The following SNX30 variants were observed in gnomAD, a reference collection of about 807,000 sequenced individuals.
SNX30 encodes sorting nexin family member 30.
In SNX30, 24 loss-of-function variants were observed where a neutral mutation model predicts 46.4. That is an observed-to-expected ratio of 0.52 (90% confidence interval 0.37 to 0.73). SNX30 has a LOEUF of 0.73. SNX30 is among the 30% of genes least tolerant of loss of function. SNX30 has a pLI of 0.00. For synonymous variants in SNX30, 189 were observed against 211.5 expected, an observed-to-expected ratio of 0.89 and a Z score of 0.92; for missense variants, 533 against 555.7, an observed-to-expected ratio of 0.96 and a Z score of 0.41.
At chr9:112,830,015 A>G (rs1258441742) in intron 3 of SNX30, among the ~76,000 whole-genome samples, 1 of 152,200 alleles carries the variant, frequency 6.6e-6, no homozygotes, top group African/African-American at 2.4e-5. Flanking sequence ...TGGTAGTAAT[A>G]ATGAAGAAGG....
chr9:112,875,259 C>CA (rs1166662977), downstream of SNX30: 5 of 152,220 alleles, frequency 3.3e-5, no homozygotes, highest in African/African-American at 1.2e-4. Context: ...TAGTAGCCAT[C>CA]ATGACTGGCA....
At chr9:112,817,297 A>G (rs1840411128) in intron 2 of SNX30, among the ~76,000 whole-genome samples, 1 of 151,514 alleles carries the variant, frequency 6.6e-6, no homozygotes, top group East Asian at 1.9e-4. Flanking sequence ...GCTAAAAGAA[A>G]TTGTTAGAGT....
At chr9:112,758,059 T>C (rs1839378736) in intron 1 of SNX30, among the ~76,000 whole-genome samples, 1 of 152,192 alleles carries the variant, frequency 6.6e-6, no homozygotes, top group South Asian at 2.1e-4. Context: ...TTCTGCTGAT[T>C]GCCTCACCTT....
chr9:112,769,039 T>C (rs2645988), intron 1 of SNX30, among the ~76,000 whole-genome samples: 132,938 of 152,210 alleles, frequency 0.87, 58,380 homozygotes, highest in African/African-American at 0.96. Flanking sequence ...ACAAGCATGC[T>C]TTCAGCTTTT....
At chr9:112,883,903 G>A, downstream of SNX30, among the ~76,000 whole-genome samples, 1 of 152,072 alleles carries the variant, frequency 6.6e-6, no homozygotes, top group East Asian at 1.9e-4. Context: ...CACTATGTTG[G>A]CCAGGCTGGT....
At chr9:112,865,584 A>C (rs1841311707) in intron 8 of SNX30, among the ~76,000 whole-genome samples, 1 of 145,382 alleles carries the variant, frequency 6.9e-6, no homozygotes, top group South Asian at 2.2e-4. Flanking sequence ...GCACTACTGT[A>C]CTCCAACCTG....
At chr9:112,777,095 T>A (rs1469695733) in intron 1 of SNX30, among the ~76,000 whole-genome samples, 1 of 152,194 alleles carries the variant, frequency 6.6e-6, no homozygotes, top group African/African-American at 2.4e-5. Context: ...CCTTTTAGGT[T>A]TTGGTTCCTC....
rs1206936731 is a variant in SNX30 at position 112,751,101 on chromosome 9, G to C, written c.100G>C (p.Gly34Arg). ...CGGCTCCAGCAGCGAGGAGGCCGTG[G>C]GTGGTGACAGCACGCCCAGCCCGGA... ...LAGSSSEEAV[G>R]GDSTPSPDLL... Residue 34 changes from glycine to arginine, a missense_variant, in exon 1 of 9, where the codon GGT becomes CGT. Coordinates refer to ENST00000374232, the MANE Select transcript of SNX30 (RefSeq NM_001012994.2). The C allele has an allele frequency of 1.6e-5, 25 of 1,520,552 alleles. No individual in the cohort carries two copies. The highest frequency in any genetic ancestry group is 2.2e-5 in the Non-Finnish European group (25 of 1,142,434). 94.2% of individuals were successfully genotyped at this position (1,520,552 alleles called of 1,614,324 possible). A position where few individuals can be genotyped will look rare whatever the true frequency, so the allele number is the denominator to read the frequency against.
downstream of SNX30, among the ~76,000 whole-genome samples, chr9:112,882,966 G>A (rs753515569): frequency 4.6e-5 from 7 of 152,212 alleles, no homozygotes; most frequent in Non-Finnish European, 7.3e-5. Flanking sequence ...CCAGAAGAAT[G>A]AGGTGTTTTG....
chr9:112,847,247 C>G (rs976473777), intron 6 of SNX30, among the ~76,000 whole-genome samples: 3 of 150,874 alleles, frequency 2.0e-5, no homozygotes, highest in Non-Finnish European at 3.0e-5. Context: ...CACATGTATC[C>G]CAGCCGTCCC....
intron 1 of SNX30, among the ~76,000 whole-genome samples, chr9:112,772,351 A>G (rs1185490748): frequency 3.3e-5 from 5 of 152,138 alleles, no homozygotes; most frequent in African/African-American, 1.2e-4. Flanking sequence ...TTCTGCTGTA[A>G]CCAGATCCTC....
intron 1 of SNX30, among the ~76,000 whole-genome samples, chr9:112,772,395 T>A (rs1032413057): frequency 6.6e-6 from 1 of 152,214 alleles, no homozygotes; most frequent in African/African-American, 2.4e-5. Context: ...TGGCACATTA[T>A]TTTAGGTATT....
At chr9:112,824,117 T>C (rs543275660) in intron 3 of SNX30, among the ~76,000 whole-genome samples, 6 of 152,334 alleles carry the variant, frequency 3.9e-5, no homozygotes, top group Non-Finnish European at 7.4e-5. Flanking sequence ...ATTCAGCAAT[T>C]GAAAGATTTG....
intron 8 of SNX30, among the ~76,000 whole-genome samples, chr9:112,865,622 G>C (rs1456755104): frequency 1.8e-5 from 1 of 56,220 alleles, no homozygotes; most frequent in African/African-American, 8.7e-5. Context: ...ATCCTGTCAC[G>C]CCATATATAT....
intron 1 of SNX30, among the ~76,000 whole-genome samples, chr9:112,768,731 G>A (rs1259320722): frequency 7.2e-6 from 1 of 138,424 alleles, no homozygotes; most frequent in Non-Finnish European, 1.5e-5. Context: ...ATCTTGGCTC[G>A]CTGCAGCCTC....
rs141854849 is a variant in SNX30 at position 112,758,850 on chromosome 9, A to AACAC, written c.156+7711_156+7714dup. Among the ~76,000 whole-genome samples the AACAC allele has an allele frequency of 6.5e-3, 969 of 150,140 alleles. 8 individuals carry two copies. The highest frequency in any genetic ancestry group is 0.022 in the African/African-American group (897 of 41,038). ...ATATAGTGAGACCTTGTCTCTGTTAAACACACACACACACACACACATACA... is the reference window on the plus strand; with the variant it reads ...ATATAGTGAGACCTTGTCTCTGTTAAACACACACACACACACACACACACATACA... On this transcript the variant is annotated intron_variant, in intron 1 of 8. Transcript: ENST00000374232.
intron 3 of SNX30, among the ~76,000 whole-genome samples, chr9:112,827,813 C>T (rs1010591527): frequency 6.6e-6 from 1 of 152,176 alleles, no homozygotes; most frequent in African/African-American, 2.4e-5. Context: ...GTTGGTTTAA[C>T]ATTAGAAAAT....
intron 2 of SNX30, among the ~76,000 whole-genome samples, chr9:112,807,422 G>A (rs1007888765): frequency 3.9e-5 from 6 of 152,102 alleles, no homozygotes; most frequent in Non-Finnish European, 7.4e-5. Context: ...ATGTAAGTAC[G>A]TGTGCACATG....
At chr9:112,848,992 C>G (rs1023024891) in intron 6 of SNX30, among the ~76,000 whole-genome samples, 1 of 152,200 alleles carries the variant, frequency 6.6e-6, no homozygotes, top group Non-Finnish European at 1.5e-5. Context: ...AGGCTCTTGC[C>G]ACACTGACAG....
Sources: gnomAD v4.1 joint callset for allele counts (sites outside exome capture counted in the v4.1 genomes callset) on GRCh38, gnomAD v4.1.1 for gene constraint, MANE v1.5 for transcripts, NCBI Gene and HGNC (gene_info 2026-07-23, HGNC 2026-07-21) for gene names.